PRKD2: variants seen among roughly 807,000 people sequenced by gnomAD.
PRKD2 encodes protein kinase D2.
A neutral mutation model predicts 86.0 loss-of-function variants in PRKD2; 22 were observed. The observed-to-expected ratio is 0.26, with a 90% CI of 0.18 to 0.37. PRKD2 has a LOEUF of 0.37. Among genes scored for constraint, PRKD2 ranks in the 10% least tolerant of loss-of-function variants. PRKD2 has a pLI of 1.00. For synonymous variants in PRKD2, 509 were observed against 510.9 expected (o/e 1.00, Z 0.05); for missense variants, 818 against 1,199.2 (o/e 0.68, Z 4.70).
intron 5 of PRKD2, among the ~76,000 whole-genome samples, chr19:46,703,155 TGA>T (rs2053658071): frequency 2.0e-5 from 3 of 152,242 alleles, no homozygotes; most frequent in African/African-American, 4.8e-5. Context: ...TCTCATGCTC[TGA>T]GAGTCTATAA....
chr19:46,696,334 G>C (rs1277443086), intron 9 of PRKD2, among the ~76,000 whole-genome samples: 1 of 152,112 alleles, frequency 6.6e-6, no homozygotes, highest in Admixed American at 6.6e-5. Context: ...AAATGACAGA[G>C]GTTGTGAGGT....
At chr19:46,684,045 T>C (rs1161390639) in intron 14 of PRKD2, among the ~76,000 whole-genome samples, 4 of 147,610 alleles carry the variant, frequency 2.7e-5, no homozygotes, top group Non-Finnish European at 6.0e-5. Flanking sequence ...ACAACTGCAA[T>C]TATTATCTGT....
At position 46,680,940 on chromosome 19, in the gene PRKD2, A is replaced by T. The variant is rs946663417; in HGVS notation, c.2070+710T>A. ...TGGGATAAACTATATATATATATAT[A>T]TATATATTTTTTTTTTTTTTTTTGA... On this transcript the variant is annotated intron_variant, in intron 15 of 17. Transcript: ENST00000291281. Among the ~76,000 whole-genome samples, 38 of 51,074 alleles carry T rather than the reference A, an allele frequency of 7.4e-4. 1 individual carries two copies. Among genetic ancestry groups the T allele is most frequent in the African/African-American group, 2.3e-3 (37 of 16,130 alleles). 33.5% of individuals were successfully genotyped at this position (51,074 alleles called of 152,430 possible). A position where few individuals can be genotyped will look rare whatever the true frequency, so the allele number is the denominator to read the frequency against.
Position 46,716,086 on chromosome 19 carries a change from C to T in PRKD2, c.240+45G>A, listed in dbSNP as rs1407741921. On this transcript the variant is annotated intron_variant, in intron 1 of 17. Coordinates refer to ENST00000291281, the MANE Select transcript of PRKD2 (RefSeq NM_016457.5). This position sits in a 1 kb window ranked among gnomAD's most constrained non-coding sequence, Gnocchi z 7.9. ...CAGACCCCTCTGCCAGCGCCCCCTC[C>T]TTCAACCTCTCCCCGAGCTGGATCC... 1.2e-6 allele frequency: 2 copies of T among 1,600,708 alleles called. No homozygotes were observed. The highest frequency in any genetic ancestry group is 1.7e-6 in the Non-Finnish European group (2 of 1,174,402).
chr19:46,682,701 AT>A (rs71177241), intron 14 of PRKD2, among the ~76,000 whole-genome samples: 5,494 of 102,746 alleles, frequency 0.053, 218 homozygotes, highest in African/African-American at 0.15. Context: ...ATGTGATTCT[AT>A]TTTTTTTTTT....
chr19:46,697,118 A>G, intron 9 of PRKD2, 39 bp downstream of exon 9: 1 of 1,488,516 alleles, frequency 6.7e-7, no homozygotes, highest in Non-Finnish European at 9.4e-7. Flanking sequence ...TTGTGGGCAC[A>G]GCGGGAAGTC....
At chr19:46,691,015 G>T (rs1003078010) in intron 12 of PRKD2, among the ~76,000 whole-genome samples, 4 of 152,176 alleles carry the variant, frequency 2.6e-5, no homozygotes, top group Non-Finnish European at 4.4e-5. Flanking sequence ...CCTGGGGACA[G>T]GGGAGAGACA....
At chr19:46,696,043 T>C (rs1280819879) in intron 9 of PRKD2, among the ~76,000 whole-genome samples, 2 of 152,224 alleles carry the variant, frequency 1.3e-5, no homozygotes, top group African/African-American at 4.8e-5. Flanking sequence ...TTCACCATAT[T>C]GGCCAGGCTG....
At position 46,674,352 on chromosome 19, in the gene PRKD2, G is replaced by A. The variant is rs560561198; in HGVS notation, c.*171C>T. The A allele has an allele frequency of 7.8e-5, 53 of 681,942 alleles. No individual in the cohort carries two copies. The South Asian group carries it at 9.1e-4, about 12-fold the overall frequency. The allele number at this position is 681,942 out of a possible 1,614,324, so 42.2% of individuals were successfully genotyped here. On this transcript the variant is annotated 3_prime_UTR_variant, in exon 18 of 18. Transcript: ENST00000291281. ...AGGCCATGGGGCCAGAGATGAGTCCGTTTTAATTGCTGGGGAAACAGGGAG... is the reference window on the plus strand; with the variant it reads ...AGGCCATGGGGCCAGAGATGAGTCCATTTTAATTGCTGGGGAAACAGGGAG...
rs1042151484 is a variant in PRKD2 at position 46,693,764 on chromosome 19, C to T, written c.1576+111G>A. 8.4e-6 allele frequency: 12 copies of T among 1,425,930 alleles called. No homozygotes were observed. The highest frequency in any genetic ancestry group is 7.1e-5 in the African/African-American group (5 of 70,026). The allele number at this position is 1,425,930 out of a possible 1,614,324, so 88.3% of individuals were successfully genotyped here. On this transcript the variant is annotated intron_variant, in intron 10 of 17. Coordinates refer to ENST00000291281, the MANE Select transcript of PRKD2 (RefSeq NM_016457.5). The surrounding 1 kb of genome is among the most constrained non-coding windows in gnomAD (Gnocchi z 4.5). ...CCAGGCCTGCTGAGTCCAGAAGCTG[C>T]GTTCTCAACCCCACCATTGCCCACT...
chr19:46,706,320 T>C (rs992517525), intron 3 of PRKD2, among the ~76,000 whole-genome samples: 2 of 152,214 alleles, frequency 1.3e-5, no homozygotes, highest in African/African-American at 2.4e-5. Context: ...CCTCCAGCCT[T>C]TGGGAGCCCT....
chr19:46,697,271 A>C (rs1435228417), intron 8 of PRKD2, 37 bp from the exon 9 acceptor site: 1 of 1,482,814 alleles, frequency 6.7e-7, no homozygotes, highest in Non-Finnish European at 9.4e-7. Context: ...GAACCGCCAG[A>C]CTTTCCTGCC....
intron 12 of PRKD2, among the ~76,000 whole-genome samples, chr19:46,691,251 G>A (rs2053479346): frequency 6.6e-6 from 1 of 152,054 alleles, no homozygotes; most frequent in Non-Finnish European, 1.5e-5. Flanking sequence ...CAGAATCTAG[G>A]ATCTAGACCT....
At chr19:46,700,750 T>C (rs202095740) in intron 7 of PRKD2, 49 bp downstream of exon 7, 2 of 1,568,150 alleles carry the variant, frequency 1.3e-6, no homozygotes, top group Non-Finnish European at 1.7e-6. Flanking sequence ...TGAGGTTCAC[T>C]GTGCAGGAGG....
At chr19:46,683,979 A>G (rs2053355371) in intron 14 of PRKD2, among the ~76,000 whole-genome samples, 1 of 151,640 alleles carries the variant, frequency 6.6e-6, no homozygotes, top group Non-Finnish European at 1.5e-5. Context: ...ATCTGTGAGA[A>G]TCATATTTCT....
At chr19:46,685,273 A>AG (rs1460613853) in intron 14 of PRKD2, among the ~76,000 whole-genome samples, 56 of 151,904 alleles carry the variant, frequency 3.7e-4, no homozygotes, top group East Asian at 7.7e-4. Flanking sequence ...AAAAAAAAAA[A>AG]AAAAGAAAAG....
rs2053518329 is a variant in PRKD2 at position 46,693,915 on chromosome 19, G to C, written c.1536C>G (p.Ile512Met). 6.2e-7 allele frequency: 1 copy of C among 1,609,476 alleles called. No homozygotes were observed. Residue 512 changes from isoleucine to methionine, a missense_variant, in exon 10 of 18, where the codon ATC becomes ATG. Ile to Met is a conservative substitution (Grantham distance 10, BLOSUM62 1). This residue lies in a region of PRKD2 where 154 missense variants were observed against 359.6 expected (regional missense o/e 0.43). Transcript: ENST00000291281. The surrounding 1 kb of genome is among the most constrained non-coding windows in gnomAD (Gnocchi z 4.5). ...CTGGGGCGCTGGGTGCGTCCTGAAG[G>C]ATGACGGGCATCAGGGCCTGGCGGA... Reference protein sequence around the residue: ...TAIRQALMPVILQDAPSAPGH... With the variant: ...TAIRQALMPVMLQDAPSAPGH...
chr19:46,700,754 C>T (rs760548754), intron 7 of PRKD2, 45 bp downstream of exon 7: 19 of 1,591,378 alleles, frequency 1.2e-5, no homozygotes, highest in Admixed American at 1.7e-5. Context: ...GTTCACTGTG[C>T]AGGAGGGTCT....
At chr19:46,684,270 A>G (rs1017828068) in intron 14 of PRKD2, among the ~76,000 whole-genome samples, 1 of 152,024 alleles carries the variant, frequency 6.6e-6, no homozygotes, top group Non-Finnish European at 1.5e-5. Flanking sequence ...CAACCTCCTC[A>G]TTCTACAGAC....
Sources: gnomAD v4.1 joint callset for allele counts (sites outside exome capture counted in the v4.1 genomes callset) on GRCh38, gnomAD v4.1.1 for gene constraint, gnomAD v4.1.1 regional missense constraint, Gnocchi (gnomAD v3.1) non-coding constraint, MANE v1.5 for transcripts, NCBI Gene and HGNC (gene_info 2026-07-23, HGNC 2026-07-21) for gene names.